The following CCDC141 variants were observed in gnomAD, a reference collection of about 807,000 sequenced individuals.
CCDC141 encodes coiled-coil domain-containing protein 141.
In CCDC141, 168 loss-of-function variants were observed where a neutral mutation model predicts 181.0. That is an observed-to-expected ratio of 0.93 (90% CI 0.82 to 1.05). The LOEUF (loss-of-function observed/expected upper bound fraction) is 1.05, where lower values mean the gene tolerates loss of function less well. Ranked by LOEUF, CCDC141 falls within the 50% of genes least tolerant of loss-of-function variation. The pLI is 0.00. For missense variants in CCDC141, 1,902 were observed against 1,788.5 expected, an observed-to-expected ratio of 1.06 and a Z score of -1.14; for synonymous variants, 666 against 642.3, an observed-to-expected ratio of 1.04 and a Z score of -0.56.
chr2:178,932,452 G>A (rs1689137602), intron 6 of CCDC141, among the ~76,000 whole-genome samples: 1 of 151,728 alleles, frequency 6.6e-6, no homozygotes, highest in South Asian at 2.1e-4. Flanking sequence ...GCTATATGTT[G>A]CCACTTCAAA....
intron 17 of CCDC141, among the ~76,000 whole-genome samples, chr2:178,860,911 A>G (rs963789055): frequency 1.3e-5 from 2 of 152,212 alleles, no homozygotes; most frequent in African/African-American, 4.8e-5. Context: ...TGAACATGAT[A>G]ACCATAATTT....
At chr2:178,950,215 C>G (rs942175920) in intron 5 of CCDC141, among the ~76,000 whole-genome samples, 14 of 152,228 alleles carry the variant, frequency 9.2e-5, no homozygotes, top group Non-Finnish European at 1.6e-4. Flanking sequence ...GACAGTCTCT[C>G]TGGCAATTAC....
intron 2 of CCDC141, among the ~76,000 whole-genome samples, chr2:178,983,194 A>C (rs1014156011): frequency 6.6e-6 from 1 of 152,200 alleles, no homozygotes; most frequent in Non-Finnish European, 1.5e-5. Context: ...GGCACCCTCC[A>C]GCAGGGGCAC....
intron 2 of CCDC141, among the ~76,000 whole-genome samples, chr2:179,044,971 CT>C (rs11413791): frequency 2.0e-5 from 3 of 150,174 alleles, no homozygotes; most frequent in Admixed American, 6.6e-5. Context: ...TGGGGTTTTT[CT>C]TTTTTTTTCT....
intron 3 of CCDC141, among the ~76,000 whole-genome samples, chr2:178,976,844 A>G (rs1393392172): frequency 1.3e-5 from 2 of 152,246 alleles, no homozygotes; most frequent in African/African-American, 2.4e-5. Flanking sequence ...TGTTACCTGC[A>G]GAACATTAGA....
At chr2:179,039,009 G>A (rs180924229) in intron 2 of CCDC141, among the ~76,000 whole-genome samples, 1 of 152,304 alleles carries the variant, frequency 6.6e-6, no homozygotes, top group East Asian at 1.9e-4. Flanking sequence ...AGGATGTAAT[G>A]TCAATAGTAG....
rs568366848 is a variant in CCDC141, at chr2:178,935,367, A to T, written c.897+9168T>A. ...TTGACTCTCACTTATATGTGAAAAC[A>T]TGCAGTATTTTGTTTTCTGTTCCTG... is the stretch of plus-strand genomic sequence containing the variant. On this transcript the variant is annotated intron_variant, in intron 6 of 23. Coordinates refer to ENST00000443758, the MANE Select transcript of CCDC141 (RefSeq NM_173648.4). Among the ~76,000 whole-genome samples, 3 of 152,312 alleles carry T rather than the reference A, an allele frequency of 2.0e-5. No individual in the cohort carries two copies. In the South Asian group the frequency reaches 6.2e-4, roughly 32 times the overall value.
At chr2:178,904,909 C>T (rs1255426425) in intron 8 of CCDC141, among the ~76,000 whole-genome samples, 3 of 152,096 alleles carry the variant, frequency 2.0e-5, no homozygotes, top group East Asian at 1.9e-4. Flanking sequence ...AAGGTCATAA[C>T]TGGAAGGAAA....
chr2:178,954,703 C>T (rs1158632800), intron 5 of CCDC141, among the ~76,000 whole-genome samples: 2 of 152,040 alleles, frequency 1.3e-5, no homozygotes, highest in Non-Finnish European at 2.9e-5. Context: ...TTCTAATTTT[C>T]TACTTAATTT....
chr2:178,860,263 A>G (rs1316321202), intron 17 of CCDC141, among the ~76,000 whole-genome samples: 4 of 152,070 alleles, frequency 2.6e-5, no homozygotes, highest in African/African-American at 9.7e-5. Context: ...AACCCAAATC[A>G]TTTGCTACAA....
At chr2:178,835,727 G>T (rs905967881) in intron 23 of CCDC141, 1 of 152,130 alleles carries the variant, frequency 6.6e-6, no homozygotes, top group Non-Finnish European at 1.5e-5. Flanking sequence ...TTACTGTGTG[G>T]ACAAAAACAA....
intron 5 of CCDC141, among the ~76,000 whole-genome samples, chr2:178,950,225 C>G (rs1689896945): frequency 6.6e-6 from 1 of 152,190 alleles, no homozygotes; most frequent in African/African-American, 2.4e-5. Flanking sequence ...CTGGCAATTA[C>G]CAAAAACACA....
At chr2:179,003,179 A>G (rs2042030684) in intron 2 of CCDC141, among the ~76,000 whole-genome samples, 1 of 152,208 alleles carries the variant, frequency 6.6e-6, no homozygotes, top group Admixed American at 6.5e-5. Context: ...GAAAATGTTG[A>G]CATAATATTA....
intron 2 of CCDC141, among the ~76,000 whole-genome samples, chr2:178,990,572 A>AGGGGG (rs1188328324): frequency 1.2e-5 from 1 of 82,636 alleles, no homozygotes; most frequent in African/African-American, 5.0e-5. Context: ...AAAAAAGAGA[A>AGGGGG]GGGGAGGGGA....
chr2:178,981,568 T>A (rs978873613), intron 2 of CCDC141, among the ~76,000 whole-genome samples: 3 of 148,322 alleles, frequency 2.0e-5, no homozygotes, highest in Non-Finnish European at 4.5e-5. Context: ...ATATGATGTA[T>A]CAAAATTTTT....
chr2:178,928,146 A>G (rs1050241087), intron 6 of CCDC141, among the ~76,000 whole-genome samples: 12 of 152,214 alleles, frequency 7.9e-5, no homozygotes, highest in Non-Finnish European at 1.2e-4. Flanking sequence ...TTTACTCACA[A>G]CAGTCCTGGT....
chr2:178,948,884 G>A (rs1010510643), intron 5 of CCDC141, among the ~76,000 whole-genome samples: 1 of 152,180 alleles, frequency 6.6e-6, no homozygotes, highest in Non-Finnish European at 1.5e-5. Context: ...AGAATCATGG[G>A]CCAAATAACC....
chr2:179,032,985 T>C (rs2154387069), intron 2 of CCDC141, among the ~76,000 whole-genome samples: 1 of 145,074 alleles, frequency 6.9e-6, no homozygotes, highest in African/African-American at 2.6e-5. Context: ...TTATTATATA[T>C]CTCAGAATAT....
chr2:178,843,583 G>A (rs1684817006), intron 22 of CCDC141, among the ~76,000 whole-genome samples: 2 of 152,076 alleles, frequency 1.3e-5, no homozygotes. Flanking sequence ...AAAATGAGAA[G>A]TACTTTGCTA....
Sources: gnomAD v4.1 joint callset for allele counts (sites outside exome capture counted in the v4.1 genomes callset) on GRCh38, gnomAD v4.1.1 for gene constraint, MANE v1.5 for transcripts, NCBI Gene and HGNC (gene_info 2026-07-23, HGNC 2026-07-21) for gene names.